DPYS: variants seen among roughly 807,000 people sequenced by gnomAD.
DPYS encodes dihydropyrimidinase, also known as dihydropyrimidine amidohydrolase.
In DPYS, 39 loss-of-function variants were observed where a neutral mutation model predicts 50.3. The ratio of observed to expected loss-of-function variants is 0.78; its 90% confidence interval spans 0.60 to 1.01. The LOEUF (loss-of-function observed/expected upper bound fraction) is 1.01, where lower values mean the gene tolerates loss of function less well. Among genes scored for constraint, DPYS ranks in the 50% least tolerant of loss-of-function variants. DPYS has a pLI of 0.00. For missense variants in DPYS, 659 were observed against 680.9 expected (o/e 0.97, Z 0.36); for synonymous variants, 245 against 250.7 (o/e 0.98, Z 0.22).
chr8:104,391,639 T>G (rs1026156946), intron 8 of DPYS, among the ~76,000 whole-genome samples: 1 of 152,190 alleles, frequency 6.6e-6, no homozygotes, highest in Non-Finnish European at 1.5e-5. Flanking sequence ...AATATCTCTT[T>G]TATAATAACA....
At chr8:104,440,044 A>G (rs777734129) in intron 4 of DPYS, among the ~76,000 whole-genome samples, 1 of 152,200 alleles carries the variant, frequency 6.6e-6, no homozygotes, top group Non-Finnish European at 1.5e-5. Flanking sequence ...CATTATTATG[A>G]CAATTTTTTA....
chr8:104,419,771 C>T (rs1812485697), intron 7 of DPYS: 1 of 152,142 alleles, frequency 6.6e-6, no homozygotes, highest in Admixed American at 6.5e-5. Flanking sequence ...GAGAAATTGT[C>T]ACAAGTCAGG....
intron 7 of DPYS, among the ~76,000 whole-genome samples, chr8:104,398,293 G>A (rs951044193): frequency 6.6e-6 from 1 of 152,216 alleles, no homozygotes; most frequent in African/African-American, 2.4e-5. Context: ...AGGGCCAGCT[G>A]TGACAGAGAT....
intron 7 of DPYS, chr8:104,420,553 A>G (rs1311479550): frequency 6.6e-6 from 1 of 152,224 alleles, no homozygotes; most frequent in Admixed American, 6.5e-5. Context: ...GAATAATGAT[A>G]GTGCAAAAAC....
intron 1 of DPYS, among the ~76,000 whole-genome samples, chr8:104,458,247 G>C (rs183486659): frequency 6.6e-6 from 1 of 152,220 alleles, no homozygotes; most frequent in East Asian, 1.9e-4. Flanking sequence ...TCTTAAGATG[G>C]AGAAAAAACA....
intron 1 of DPYS, among the ~76,000 whole-genome samples, chr8:104,466,387 C>A (rs148394148): frequency 1.2e-3 from 187 of 152,300 alleles, no homozygotes; most frequent in African/African-American, 4.2e-3. Context: ...TGGCCTTAAA[C>A]TCGTCAAATT....
intron 4 of DPYS, among the ~76,000 whole-genome samples, chr8:104,431,767 G>A (rs138355137): frequency 7.8e-4 from 119 of 152,228 alleles, no homozygotes; most frequent in Non-Finnish European, 1.5e-3. Context: ...TTTGACAGAT[G>A]AAAAAATTGA....
intron 8 of DPYS, among the ~76,000 whole-genome samples, chr8:104,385,760 C>T (rs983347065): frequency 4.6e-5 from 7 of 152,170 alleles, no homozygotes; most frequent in Non-Finnish European, 1.0e-4. Flanking sequence ...TATAAAATGA[C>T]AAGTTTGGCC....
At chr8:104,450,725 G>C (rs1037077523) in intron 2 of DPYS, among the ~76,000 whole-genome samples, 1 of 152,178 alleles carries the variant, frequency 6.6e-6, no homozygotes, top group Non-Finnish European at 1.5e-5. Context: ...GATACAGCTT[G>C]GAGAAGACTC....
chr8:104,386,287 C>T (rs1811210329), intron 8 of DPYS, among the ~76,000 whole-genome samples: 1 of 152,042 alleles, frequency 6.6e-6, no homozygotes, highest in Non-Finnish European at 1.5e-5. Context: ...AATCCAAGCA[C>T]TTTGGGAGGC....
chr8:104,442,154 T>C (rs765026928), intron 4 of DPYS, among the ~76,000 whole-genome samples: 9 of 152,228 alleles, frequency 5.9e-5, no homozygotes, highest in Non-Finnish European at 1.2e-4. Context: ...TCTTGGGCCA[T>C]GTAAATATTT....
intron 8 of DPYS, among the ~76,000 whole-genome samples, chr8:104,392,069 A>AT (rs1225480637): frequency 6.6e-6 from 1 of 152,230 alleles, no homozygotes; most frequent in African/African-American, 2.4e-5. Context: ...GCAAGAGAGA[A>AT]TTTAGGTCTT....
intron 4 of DPYS, among the ~76,000 whole-genome samples, chr8:104,440,516 C>T (rs767221621): frequency 2.6e-4 from 40 of 152,240 alleles, no homozygotes; most frequent in Admixed American, 1.0e-3. Context: ...CCACCCGCCC[C>T]GGCCTCCCAA....
chr8:104,445,428 A>G (rs1271890928), intron 3 of DPYS, among the ~76,000 whole-genome samples: 1 of 152,240 alleles, frequency 6.6e-6, no homozygotes, highest in Non-Finnish European at 1.5e-5. Flanking sequence ...AGGGAGTACT[A>G]TTCTGCCATA....
rs772632326 is a variant in DPYS, at chr8:104,388,470, C to G, written c.1443+4314G>C. On this transcript the variant is annotated intron_variant, in intron 8 of 9. Coordinates refer to ENST00000351513, the MANE Select transcript of DPYS (RefSeq NM_001385.3). ...TCTAAACACACAAAAATTCAAGAAACGTAATCCATTTTAACTTAAAGAGCT... is the reference window on the plus strand; with the variant it reads ...TCTAAACACACAAAAATTCAAGAAAGGTAATCCATTTTAACTTAAAGAGCT... 2.6e-5 allele frequency among the ~76,000 whole-genome samples: 4 copies of G among 152,124 alleles called. No individual in the cohort carries two copies. The East Asian group carries it at 7.7e-4, about 29-fold the overall frequency.
chr8:104,399,308 AAAC>A (rs1296159080), intron 7 of DPYS, among the ~76,000 whole-genome samples: 1 of 38,964 alleles, frequency 2.6e-5, no homozygotes, highest in African/African-American at 6.0e-5. Flanking sequence ...AAAAAAAAAA[AAAC>A]AACAACAAAA....
chr8:104,407,390 A>G (rs763531526), intron 7 of DPYS, among the ~76,000 whole-genome samples: 29 of 152,360 alleles, frequency 1.9e-4, no homozygotes, highest in Non-Finnish European at 3.4e-4. Flanking sequence ...AAAGGAAAAC[A>G]TAACAGGAGG....
At chr8:104,424,578 T>C (rs939933807) in intron 6 of DPYS, among the ~76,000 whole-genome samples, 189 bp from the exon 7 acceptor site, 45 of 152,220 alleles carry the variant, frequency 3.0e-4, no homozygotes, top group Admixed American at 2.9e-3. Context: ...GGGTAACATA[T>C]GGAAGCCTGA....
chr8:104,446,686 G>A (rs1314391267), intron 3 of DPYS, among the ~76,000 whole-genome samples: 2 of 152,034 alleles, frequency 1.3e-5, no homozygotes, highest in Non-Finnish European at 2.9e-5. Context: ...TGTGGCCACT[G>A]AGCCTCAATC....
Sources: allele counts gnomAD v4.1 joint callset (sites outside exome capture counted in the v4.1 genomes callset), GRCh38; gene constraint gnomAD v4.1.1; transcripts MANE v1.5; gene names NCBI Gene and HGNC (gene_info 2026-07-23, HGNC 2026-07-21).